The following PHACTR3 variants were observed in gnomAD, a reference collection of about 807,000 sequenced individuals.
The protein encoded by PHACTR3 is phosphatase and actin regulator 3.
Under a neutral mutation model 66.8 loss-of-function variants are expected in PHACTR3, and 16 were observed. That is an observed-to-expected ratio of 0.24 (90% CI 0.16 to 0.36). The LOEUF is 0.36. Ranked by LOEUF, PHACTR3 falls within the 10% of genes least tolerant of loss-of-function variation. The pLI is 1.00. For missense variants in PHACTR3, 647 were observed against 719.9 expected, an observed-to-expected ratio of 0.90 and a Z score of 1.16; for synonymous variants, 323 against 292.1, an observed-to-expected ratio of 1.11 and a Z score of -1.08.
At chr20:59,742,327 G>A (rs1158734375) in intron 1 of PHACTR3, among the ~76,000 whole-genome samples, 1 of 152,214 alleles carries the variant, frequency 6.6e-6, no homozygotes, top group Non-Finnish European at 1.5e-5. Flanking sequence ...AGGTCGGTAT[G>A]AGTCTCTTTT....
Position 59,835,076 on chromosome 20 carries a change from G to A in PHACTR3, c.1329-1429G>A, listed in dbSNP as rs142180787. Among the ~76,000 whole-genome samples the A allele has an allele frequency of 1.1e-4, 16 of 152,340 alleles. No individual in the cohort carries two copies. In the East Asian group the frequency reaches 2.7e-3, roughly 26 times the overall value. ...CTAGACTATGAGCTTCCCAAGGGCAGGGAAGACTTCCCATACTCAGCACTC... is the reference window on the plus strand; with the variant it reads ...CTAGACTATGAGCTTCCCAAGGGCAAGGAAGACTTCCCATACTCAGCACTC... On this transcript the variant is annotated intron_variant, in intron 8 of 12. Transcript: ENST00000371015.
Position 59,755,112 on chromosome 20 carries a change from A to G in PHACTR3, c.359-70A>G. ...CCTAGAATGGATACTTCTCAGAAAG[A>G]CTCTTGGGACGACGGAAGGGATGAA... On this transcript the variant is annotated intron_variant, in intron 3 of 12. Transcript: ENST00000371015. 5 of 1,487,516 alleles carry G rather than the reference A, an allele frequency of 3.4e-6. No homozygotes were observed. In the South Asian group the frequency reaches 6.1e-5, roughly 18 times the overall value. The allele number at this position is 1,487,516 out of a possible 1,614,324, so 92.1% of individuals were successfully genotyped here.
chr20:59,841,374 T>G, intron 10 of PHACTR3, 21 bp from the exon 11 acceptor site: 2 of 1,602,474 alleles, frequency 1.2e-6, no homozygotes, highest in South Asian at 2.2e-5. Context: ...GATACTTAAC[T>G]ATGATGATCT....
At chr20:59,810,891 C>T (rs1036232089) in intron 8 of PHACTR3, among the ~76,000 whole-genome samples, 3 of 152,222 alleles carry the variant, frequency 2.0e-5, no homozygotes, top group Admixed American at 6.5e-5. Flanking sequence ...TAGGTGTGCA[C>T]TGGAAATTAT....
rs1334648455 is a variant in PHACTR3, at chr20:59,840,420, T to C, written c.1436T>C (p.Leu479Ser). The change falls in exon 10 of 13, where the codon TTG (leucine) becomes TCG (serine). Residue 479 changes from leucine to serine, a missense_variant. This residue lies in a region of PHACTR3 where 70 missense variants were observed against 148.8 expected (regional missense o/e 0.47). Coordinates refer to ENST00000371015, the MANE Select transcript of PHACTR3 (RefSeq NM_080672.5). ...GAAAGAAGAGAAATCAAGCAAAGATTGACAAGAAAGGTAGTATAAGCATTT... is the reference window on the plus strand; with the variant it reads ...GAAAGAAGAGAAATCAAGCAAAGATCGACAAGAAAGGTAGTATAAGCATTT... ...QEERREIKQR[L>S]TRKLNQRPTV... 6.2e-7 allele frequency: 1 copy of C among 1,613,208 alleles called. No homozygotes were observed. The highest frequency in any genetic ancestry group is 1.7e-5 in the Admixed American group (1 of 59,980).
chr20:59,714,187 A>G (rs1420672948), intron 1 of PHACTR3, among the ~76,000 whole-genome samples: 1 of 152,156 alleles, frequency 6.6e-6, no homozygotes, highest in African/African-American at 2.4e-5. Context: ...ACTTAATTAT[A>G]TATTTTCAGG....
intron 8 of PHACTR3, among the ~76,000 whole-genome samples, chr20:59,833,013 G>A (rs544905861): frequency 6.6e-6 from 1 of 152,288 alleles, no homozygotes; most frequent in African/African-American, 2.4e-5. Context: ...CACAGGGAGG[G>A]TCTTGGGGCC....
At chr20:59,828,020 T>C (rs771561384) in intron 8 of PHACTR3, among the ~76,000 whole-genome samples, 5 of 152,200 alleles carry the variant, frequency 3.3e-5, no homozygotes, top group Non-Finnish European at 7.4e-5. Context: ...TCTGCAGCCA[T>C]GGGGCACTCC....
chr20:59,759,026 T>G (rs2039905339), intron 4 of PHACTR3, among the ~76,000 whole-genome samples: 1 of 152,224 alleles, frequency 6.6e-6, no homozygotes, highest in Non-Finnish European at 1.5e-5. Context: ...CATTGTCATC[T>G]GTTGTCTTCA....
At chr20:59,807,094 T>A (rs534197587) in intron 8 of PHACTR3, among the ~76,000 whole-genome samples, 1 of 152,350 alleles carries the variant, frequency 6.6e-6, no homozygotes, top group Admixed American at 6.5e-5. Context: ...TCAGAATCAC[T>A]GCACACTTAG....
At chr20:59,683,310 T>C (rs938996647) in intron 1 of PHACTR3, among the ~76,000 whole-genome samples, 2 of 152,196 alleles carry the variant, frequency 1.3e-5, no homozygotes, top group African/African-American at 2.4e-5. Context: ...AGATGACAAA[T>C]TGGCAATTGG....
At chr20:59,682,370 G>A (rs1157499514) in intron 1 of PHACTR3, among the ~76,000 whole-genome samples, 1 of 152,066 alleles carries the variant, frequency 6.6e-6, no homozygotes, top group Non-Finnish European at 1.5e-5. Flanking sequence ...CAAAAAAAAG[G>A]GAAAGAAATC....
At chr20:59,613,840 T>A (rs75389507) in intron 1 of PHACTR3, among the ~76,000 whole-genome samples, 1 of 152,212 alleles carries the variant, frequency 6.6e-6, no homozygotes, top group Non-Finnish European at 1.5e-5. Context: ...GCCTAAACAT[T>A]ATGTCCATTC....
chr20:59,785,919 G>T (rs1305758568), intron 7 of PHACTR3, among the ~76,000 whole-genome samples: 1 of 150,804 alleles, frequency 6.6e-6, no homozygotes, highest in Non-Finnish European at 1.5e-5. Flanking sequence ...CCCTGCTTCT[G>T]GTTTTCCAAC....
chr20:59,757,461 A>T (rs1180300424), intron 4 of PHACTR3, among the ~76,000 whole-genome samples: 1 of 152,242 alleles, frequency 6.6e-6, no homozygotes, highest in African/African-American at 2.4e-5. Context: ...GGTGCAGAGC[A>T]TCCCAGAAAG....
chr20:59,824,443 G>A lies in PHACTR3; in HGVS notation c.1329-12062G>A, dbSNP rs563685105. ...GTGGTTTTGCAGTTTCTATATTCAC[G>A]TTTATTCCCTTTTATCTTCCCCAGA... On this transcript the variant is annotated intron_variant, in intron 8 of 12. Transcript: ENST00000371015. Among the ~76,000 whole-genome samples, 70 of 152,294 alleles carry A rather than the reference G, an allele frequency of 4.6e-4. 1 individual carries two copies. The highest frequency in any genetic ancestry group is 1.6e-3 in the African/African-American group (66 of 41,556).
intron 1 of PHACTR3, among the ~76,000 whole-genome samples, chr20:59,586,996 C>A (rs1181478619): frequency 6.6e-6 from 1 of 152,220 alleles, no homozygotes; most frequent in African/African-American, 2.4e-5. Flanking sequence ...TGTCTGACAG[C>A]AGGTCAATGC....
intron 1 of PHACTR3, among the ~76,000 whole-genome samples, chr20:59,702,268 C>T (rs2037533308): frequency 6.6e-6 from 1 of 152,178 alleles, no homozygotes; most frequent in African/African-American, 2.4e-5. Context: ...CTGTCATCAC[C>T]TCCCTGTCTG....
intron 2 of PHACTR3, among the ~76,000 whole-genome samples, chr20:59,744,479 C>G (rs141392603): frequency 2.6e-5 from 4 of 152,212 alleles, no homozygotes; most frequent in African/African-American, 9.6e-5. Flanking sequence ...GGCGAGTGCC[C>G]GTCTCAGGCT....
Sources: allele counts gnomAD v4.1 joint callset (sites outside exome capture counted in the v4.1 genomes callset), GRCh38; gene constraint gnomAD v4.1.1; regional missense constraint gnomAD v4.1.1; transcripts MANE v1.5; gene names NCBI Gene and HGNC (gene_info 2026-07-23, HGNC 2026-07-21).